Variants in DACH2 observed in about 807,000 individuals in gnomAD.
DACH2 encodes the protein dachshund homolog 2.
DACH2 carries 17 observed loss-of-function variants against 35.8 expected under a neutral mutation model. The ratio of observed to expected loss-of-function variants is 0.48; its 90% CI spans 0.33 to 0.71. The LOEUF (loss-of-function observed/expected upper bound fraction) is 0.71, where lower values mean the gene tolerates loss of function less well. Ranked by LOEUF, DACH2 falls within the 30% of genes least tolerant of loss-of-function variation. The pLI is 0.02. For missense variants in DACH2, 469 were observed against 472.7 expected, an observed-to-expected ratio of 0.99 and a Z score of 0.07; for synonymous variants, 195 against 177.3, an observed-to-expected ratio of 1.10 and a Z score of -0.79.
chrX:86,149,001 G>A lies in DACH2; in HGVS notation c.381G>A (p.Gln127=). ...CCCCCGTGGTGTGTACTGTTGAGCAGGTCCGGATCCTCCGCGGGCTGGGGG... is the reference window on the plus strand; with the variant it reads ...CCCCCGTGGTGTGTACTGTTGAGCAAGTCCGGATCCTCCGCGGGCTGGGGG... ...DISPVVCTVE[Q]VRILRGLGAI... Residue 127 remains glutamine, a synonymous_variant, in exon 1 of 12, where the codon CAG becomes CAA. Coordinates refer to ENST00000373125, the MANE Select transcript of DACH2 (RefSeq NM_053281.3). 8.3e-7 allele frequency: 1 copy of A among 1,211,070 alleles called. No individual in the cohort carries two copies. Among genetic ancestry groups the A allele is most frequent in the Non-Finnish European group, 1.1e-6 (1 of 895,049 alleles).
rs1306912359 is a variant in DACH2 at position 86,624,047 on chromosome X, CAAAAAAACAAAACA to C, written c.641-26981_641-26968del. Among the ~76,000 whole-genome samples the C allele has an allele frequency of 3.1e-3, 50 of 16,340 alleles. 2 individuals are homozygous for C. Among genetic ancestry groups the C allele is most frequent in the African/African-American group, 0.014 (50 of 3,489 alleles). The allele number at this position is 16,340 out of a possible 115,157, so 14.2% of individuals were successfully genotyped here. A position where few individuals can be genotyped will look rare whatever the true frequency, so the allele number is the denominator to read the frequency against. On this transcript the variant is annotated intron_variant, in intron 3 of 11. Coordinates refer to ENST00000373125, the MANE Select transcript of DACH2 (RefSeq NM_053281.3). The stretch of plus-strand genomic sequence containing the variant: ...TGGGCGACAGAGCGAAACTCCGTCT[CAAAAAAACAAAACA>C]AAAAAAAAAAAAAAAAAAAAAGTGG...
At chrX:86,311,985 A>G (rs2034810630) in intron 1 of DACH2, among the ~76,000 whole-genome samples, 1 of 111,260 alleles carries the variant, frequency 9.0e-6, no homozygotes, top group African/African-American at 3.3e-5. Context: ...ATTACAAATG[A>G]TCCAGACCCT....
intron 2 of DACH2, among the ~76,000 whole-genome samples, chrX:86,428,962 C>T (rs1337395860): frequency 9.0e-6 from 1 of 111,065 alleles, no homozygotes; most frequent in Non-Finnish European, 1.9e-5. Context: ...TTAATTCTCT[C>T]TTTTTAGGCA....
intron 3 of DACH2, among the ~76,000 whole-genome samples, chrX:86,624,264 C>A (rs1348884609): frequency 9.0e-6 from 1 of 110,934 alleles, no homozygotes; most frequent in Non-Finnish European, 1.9e-5. Context: ...CCTATCAGTT[C>A]ATGTAGAACT....
intron 7 of DACH2, among the ~76,000 whole-genome samples, chrX:86,762,179 C>A (rs998946876): frequency 3.6e-5 from 4 of 111,157 alleles, no homozygotes; most frequent in Admixed American, 1.9e-4. Flanking sequence ...AAGATTCAAA[C>A]AATCATAGAC....
At chrX:86,449,889 T>G (rs2037340291) in intron 2 of DACH2, among the ~76,000 whole-genome samples, 1 of 111,858 alleles carries the variant, frequency 8.9e-6, no homozygotes, top group African/African-American at 3.2e-5. Context: ...GTCTTTTTAC[T>G]TACATACTTA....
At chrX:86,535,710 GAA>G (rs779347731) in intron 3 of DACH2, among the ~76,000 whole-genome samples, 2 of 107,248 alleles carry the variant, frequency 1.9e-5, no homozygotes, top group Admixed American at 1.0e-4. Flanking sequence ...CTGACAGAGA[GAA>G]AAAAAAACGG....
chrX:86,403,847 A>G (rs376853426), intron 2 of DACH2, among the ~76,000 whole-genome samples: 41 of 111,370 alleles, frequency 3.7e-4, no homozygotes, highest in East Asian at 3.7e-3. Context: ...TAAAGGAAAG[A>G]TGTTTAATTG....
intron 1 of DACH2, among the ~76,000 whole-genome samples, chrX:86,347,443 C>T (rs993355353): frequency 1.8e-5 from 2 of 112,745 alleles, no homozygotes; most frequent in African/African-American, 6.4e-5. Context: ...TAGTTACAGT[C>T]TCACTCCAGG....
In DACH2 at chrX:86,557,448, C is replaced by A. The variant is rs974841682; in HGVS notation, c.640+43057C>A. Among the ~76,000 whole-genome samples, 106 of 102,909 alleles carry A rather than the reference C, an allele frequency of 1.0e-3. 1 individual carries two copies. The highest frequency in any genetic ancestry group is 4.0e-3 in the Admixed American group (37 of 9,274). The allele number at this position is 102,909 out of a possible 115,157, so 89.4% of individuals were successfully genotyped here. Reference sequence around the variant, plus strand: ...GGGCTCTTTTTTGGTTCCATATGAACTTTAAAGTAGTTTTTTCCAATTCTG... The same window carrying A: ...GGGCTCTTTTTTGGTTCCATATGAAATTTAAAGTAGTTTTTTCCAATTCTG... On this transcript the variant is annotated intron_variant, in intron 3 of 11. Coordinates refer to ENST00000373125, the MANE Select transcript of DACH2 (RefSeq NM_053281.3).
At chrX:86,235,305 G>T (rs1046922071) in intron 1 of DACH2, among the ~76,000 whole-genome samples, 6 of 112,188 alleles carry the variant, frequency 5.3e-5, no homozygotes, top group African/African-American at 1.9e-4. Flanking sequence ...TTACCTTGAT[G>T]TCTTGTCTAG....
At chrX:86,441,445 A>G (rs1453092803) in intron 2 of DACH2, among the ~76,000 whole-genome samples, 1 of 107,216 alleles carries the variant, frequency 9.3e-6, no homozygotes, top group Non-Finnish European at 1.9e-5. Flanking sequence ...GAATGATGGG[A>G]TTTTATTCTT....
intron 4 of DACH2, among the ~76,000 whole-genome samples, chrX:86,667,561 A>AAAG (rs1491560599): frequency 1.4e-3 from 119 of 83,034 alleles, no homozygotes; most frequent in Non-Finnish European, 2.0e-3. Flanking sequence ...AGAAAGAAAG[A>AAAG]AAGAAAGAAA....
chrX:86,160,318 A>G, intron 1 of DACH2: 1 of 1,070,171 alleles, frequency 9.3e-7, no homozygotes. Context: ...TGACACCCAC[A>G]GCAACTGTCT....
At position 86,470,780 on chromosome X, in the gene DACH2, T is replaced by C. The variant is rs760769953; in HGVS notation, c.528-43499T>C. Among the ~76,000 whole-genome samples, 12 of 111,223 alleles carry C rather than the reference T, an allele frequency of 1.1e-4. No individual in the cohort carries two copies. In the South Asian group the frequency reaches 3.7e-3, roughly 35 times the overall value. On this transcript the variant is annotated intron_variant, in intron 2 of 11. Coordinates refer to ENST00000373125, the MANE Select transcript of DACH2 (RefSeq NM_053281.3). Reference sequence around the variant, plus strand: ...CAAAACTGCACTTGTACTCCCCAAATCTGTAAAAATAAAAGATACACATTA... The same window carrying C: ...CAAAACTGCACTTGTACTCCCCAAACCTGTAAAAATAAAAGATACACATTA...
intron 1 of DACH2, among the ~76,000 whole-genome samples, chrX:86,212,623 T>C (rs779416435): frequency 9.0e-6 from 1 of 111,273 alleles, no homozygotes; most frequent in East Asian, 2.8e-4. Flanking sequence ...GGTTTTATAT[T>C]TTTATTGGGG....
chrX:86,677,570 G>A (rs963507433), intron 4 of DACH2, among the ~76,000 whole-genome samples: 3 of 111,994 alleles, frequency 2.7e-5, no homozygotes, highest in African/African-American at 9.7e-5. Flanking sequence ...GGTATTTGGA[G>A]GTGGATATTA....
At chrX:86,567,851 G>A (rs1234908926) in intron 3 of DACH2, among the ~76,000 whole-genome samples, 1 of 111,707 alleles carries the variant, frequency 9.0e-6, no homozygotes, top group East Asian at 2.8e-4. Flanking sequence ...AATCTGCATA[G>A]TGATGTGCAT....
At chrX:86,336,214 T>G (rs1182620644) in intron 1 of DACH2, among the ~76,000 whole-genome samples, 1 of 112,287 alleles carries the variant, frequency 8.9e-6, no homozygotes, top group Non-Finnish European at 1.9e-5. Context: ...AATTTTCTTT[T>G]TGTGTGTGTC....
Sources: gnomAD v4.1 joint callset for allele counts (sites outside exome capture counted in the v4.1 genomes callset) on GRCh38, gnomAD v4.1.1 for gene constraint, MANE v1.5 for transcripts, NCBI Gene and HGNC (gene_info 2026-07-23, HGNC 2026-07-21) for gene names.